Variants in PHF2 observed in about 807,000 individuals in gnomAD.
PHF2 encodes PHD finger protein 2.
A neutral mutation model predicts 120.5 loss-of-function variants in PHF2; 27 were observed. The observed-to-expected ratio is 0.22, with a 90% confidence interval of 0.17 to 0.31. PHF2 has a LOEUF of 0.31. Ranked by LOEUF, PHF2 falls within the 10% of genes least tolerant of loss-of-function variation. The pLI is 1.00. For missense variants in PHF2, 1,024 were observed against 1,434.8 expected (o/e 0.71, Z 4.63); for synonymous variants, 568 against 592.5 (o/e 0.96, Z 0.60).
At chr9:93,586,271 T>C (rs1436983086) in intron 1 of PHF2, among the ~76,000 whole-genome samples, 1 of 152,234 alleles carries the variant, frequency 6.6e-6, no homozygotes, top group Non-Finnish European at 1.5e-5. Flanking sequence ...TGAGGATTAG[T>C]TGCCCTTGGT....
intron 2 of PHF2, among the ~76,000 whole-genome samples, chr9:93,631,525 A>G (rs12238738): frequency 0.28 from 42,132 of 152,186 alleles, 7,447 homozygotes; most frequent in Non-Finnish European, 0.39. Context: ...TCATTAACCT[A>G]TCATCTGGTT....
intron 16 of PHF2, among the ~76,000 whole-genome samples, chr9:93,666,597 C>T (rs1312130729): frequency 6.6e-6 from 1 of 152,244 alleles, no homozygotes; most frequent in East Asian, 1.9e-4. Context: ...CTCTGTCTGA[C>T]CCCAGCAATG....
Position 93,676,722 on chromosome 9 carries a change from C to CCTGCCTCCACCACA in PHF2, c.2962_2963insTGCCTCCACCACAC (p.Pro988LeufsTer104), listed in dbSNP as rs1554800847. 2.6e-6 allele frequency: 4 copies of CCTGCCTCCACCACA among 1,552,518 alleles called. No individual in the cohort carries two copies. In the South Asian group the frequency reaches 3.5e-5, roughly 14 times the overall value. On this transcript the variant is annotated frameshift_variant, in exon 21 of 22. Transcript: ENST00000359246. LOFTEE classifies it high-confidence loss of function. Reference sequence around the variant, plus strand: ...CCTCCACCACGCCAGCCTCTACCACCCCGGCCTCCACCACCCCGGCCTCCA... The same window carrying CCTGCCTCCACCACA: ...CCTCCACCACGCCAGCCTCTACCACCCTGCCTCCACCACACCGGCCTCCACCACCCCGGCCTCCA...
rs1238594283 is a variant in PHF2, at chr9:93,676,839, C to T, written c.3078C>T (p.Tyr1026=). 1.3e-6 allele frequency: 2 copies of T among 1,560,170 alleles called. No individual in the cohort carries two copies. The highest frequency in any genetic ancestry group is 1.4e-5 in the African/African-American group (1 of 73,838). The change falls in exon 21 of 22, where the codon TAC becomes TAT. Residue 1026 remains tyrosine, a synonymous_variant. Coordinates refer to ENST00000359246, the MANE Select transcript of PHF2 (RefSeq NM_005392.4). ...SHSSSLADHE[Y]TAAGTFTGAQ... is the part of the protein sequence containing the mutation. The stretch of plus-strand genomic sequence containing the variant: ...GCAGCAGCCTGGCGGACCATGAGTA[C>T]ACAGCCGCTGGCACCTTCACCGGGG...
chr9:93,609,064 A>T (rs1312036717), intron 1 of PHF2, among the ~76,000 whole-genome samples: 1 of 98,320 alleles, frequency 1.0e-5, no homozygotes, highest in African/African-American at 3.0e-5. Flanking sequence ...TCAGCATATC[A>T]ATAACGCTTT....
chr9:93,676,255 C>T (rs926464153), intron 20 of PHF2, among the ~76,000 whole-genome samples: 3 of 152,258 alleles, frequency 2.0e-5, no homozygotes, highest in African/African-American at 7.2e-5. Flanking sequence ...CCAACCTCAT[C>T]TGGGCACACA....
At chr9:93,673,524 T>G in intron 17 of PHF2, 61 bp from the exon 18 acceptor site, 2 of 1,460,408 alleles carry the variant, frequency 1.4e-6, no homozygotes, top group Non-Finnish European at 1.8e-6. Flanking sequence ...GGCTGTTGTT[T>G]AAGTGCCTGG....
At chr9:93,665,411 T>TG (rs1826656783) in intron 14 of PHF2, among the ~76,000 whole-genome samples, 2 of 152,118 alleles carry the variant, frequency 1.3e-5, no homozygotes, top group African/African-American at 4.8e-5. Context: ...GCCATGGGGT[T>TG]GGGGAGTGTC....
chr9:93,644,608 C>T (rs958891918), intron 3 of PHF2, among the ~76,000 whole-genome samples: 1 of 152,138 alleles, frequency 6.6e-6, no homozygotes, highest in South Asian at 2.1e-4. Context: ...CTGCTGTCCT[C>T]CTCCCCAGCG....
At chr9:93,658,927 G>A (rs1411092496) in intron 10 of PHF2, among the ~76,000 whole-genome samples, 2 of 152,174 alleles carry the variant, frequency 1.3e-5, no homozygotes, top group African/African-American at 4.8e-5. Flanking sequence ...GCCCAGCCTC[G>A]AGCACCCTCT....
intron 1 of PHF2, among the ~76,000 whole-genome samples, chr9:93,586,924 C>T (rs1479322078): frequency 6.6e-6 from 1 of 152,180 alleles, no homozygotes; most frequent in Non-Finnish European, 1.5e-5. Flanking sequence ...CAACAGACTG[C>T]ACTGTGTGGG....
chr9:93,578,703 C>T (rs962968019), intron 1 of PHF2, among the ~76,000 whole-genome samples: 5 of 152,212 alleles, frequency 3.3e-5, no homozygotes, highest in African/African-American at 1.2e-4. Context: ...AAGGGAAAAA[C>T]TCCAGGAATG....
rs751355208 is a variant in PHF2, at chr9:93,676,721, C to CT, written c.2960_2961insT (p.Ala989GlyfsTer27). The CT allele has an allele frequency of 6.4e-7, 1 of 1,560,454 alleles. No homozygotes were observed. ...ACCTCCACCACGCCAGCCTCTACCACCCCGGCCTCCACCACCCCGGCCTCC... is the reference window on the plus strand; with the variant it reads ...ACCTCCACCACGCCAGCCTCTACCACTCCCGGCCTCCACCACCCCGGCCTCC... On this transcript the variant is annotated frameshift_variant, in exon 21 of 22. Transcript: ENST00000359246. LOFTEE classifies it high-confidence loss of function.
chr9:93,629,658 C>G (rs1306443600), intron 1 of PHF2, among the ~76,000 whole-genome samples: 1 of 152,318 alleles, frequency 6.6e-6, no homozygotes, highest in East Asian at 1.9e-4. Context: ...TTCCCTGCCC[C>G]CTGGGTGACG....
chr9:93,661,999 AAATG>A (rs151054044), intron 12 of PHF2, among the ~76,000 whole-genome samples: 2,621 of 151,256 alleles, frequency 0.017, 59 homozygotes, highest in African/African-American at 0.057. Flanking sequence ...ATGGGTGGAT[AAATG>A]AATGGATGGA....
chr9:93,658,377 C>T (rs1826497450), intron 10 of PHF2, 141 bp downstream of exon 10: 2 of 714,312 alleles, frequency 2.8e-6, no homozygotes, highest in Non-Finnish European at 4.8e-6. Context: ...GCTCCCCTGC[C>T]TGGCTTGGCC....
rs868155741 is a variant in PHF2, at chr9:93,673,822, G to A, written c.2586G>A (p.Glu862=). ...NSVDLDDYEE[E]QDHLDACFKD... ...TCGACCTGGACGACTACGAGGAAGA[G>A]CAGGACCACCTGGATGCCTGCTTCA... Residue 862 remains glutamate, a synonymous_variant, in exon 18 of 22, where the codon GAG becomes GAA. Coordinates refer to ENST00000359246, the MANE Select transcript of PHF2 (RefSeq NM_005392.4). 1 of 1,607,894 alleles carries A rather than the reference G, an allele frequency of 6.2e-7. No homozygotes were observed. Among genetic ancestry groups the A allele is most frequent in the East Asian group, 2.2e-5 (1 of 44,674 alleles).
chr9:93,640,085 C>T (rs768917274), intron 3 of PHF2, among the ~76,000 whole-genome samples: 27 of 151,488 alleles, frequency 1.8e-4, no homozygotes, highest in African/African-American at 5.8e-4. Context: ...AAGTTGACCT[C>T]GCTCATCTGC....
At chr9:93,675,895 A>G (rs542209454) in intron 20 of PHF2, 106 bp downstream of exon 20, 306 of 765,806 alleles carry the variant, frequency 4.0e-4, no homozygotes, top group Admixed American at 5.5e-4. Context: ...ACACAGACCC[A>G]CTGAGCCAGG....
Sources: gnomAD v4.1 joint callset for allele counts (sites outside exome capture counted in the v4.1 genomes callset) on GRCh38, gnomAD v4.1.1 for gene constraint, MANE v1.5 for transcripts, NCBI Gene and HGNC (gene_info 2026-07-23, HGNC 2026-07-21) for gene names.